Variants in RAB3B observed in about 807,000 individuals in gnomAD.
The protein encoded by RAB3B is RAB3B, member RAS oncogene family, also known as ras-related protein Rab-3B.
Under a neutral mutation model 20.5 loss-of-function variants are expected in RAB3B, and 11 were observed. The ratio of observed to expected loss-of-function variants is 0.54; its 90% CI spans 0.34 to 0.89. The LOEUF is 0.89. Among genes scored for constraint, RAB3B ranks in the 40% least tolerant of loss-of-function variants. RAB3B has a pLI of 0.02. For missense variants in RAB3B, 225 were observed against 280.9 expected (o/e 0.80, Z 1.42); for synonymous variants, 99 against 106.3 (o/e 0.93, Z 0.42).
intron 1 of RAB3B, among the ~76,000 whole-genome samples, chr1:51,987,714 C>T (rs146078532): frequency 2.3e-4 from 35 of 152,204 alleles, no homozygotes; most frequent in Non-Finnish European, 3.8e-4. Flanking sequence ...TAGAATAGTA[C>T]AGTAATTTCT....
Position 51,912,099 on chromosome 1 carries a change from C to CTTT in RAB3B, c.*7825_*7827dup, listed in dbSNP as rs977769271. 6.7e-6 allele frequency: 1 copy of CTTT among 148,560 alleles called. No homozygotes were observed. The highest frequency in any genetic ancestry group is 2.5e-5 in the African/African-American group (1 of 40,424). The allele number at this position is 148,560 out of a possible 1,614,324, so 9.2% of individuals were successfully genotyped here. A position where few individuals can be genotyped will look rare whatever the true frequency, so the allele number is the denominator to read the frequency against. ...TTCTCTTCATTTCTTTCCTTTTCTT[C>CTTT]TTTTTTTTCTTTCTTTCTTTCTTTT... On this transcript the variant is annotated 3_prime_UTR_variant, in exon 5 of 5. Transcript: ENST00000371655.
rs566367733 is a variant in RAB3B, at chr1:51,910,083, G to C, written c.*9844C>G. ...AGGCTCCGGGAGTCATCTTCCCGAA[G>C]TCACAAAACTAGTGATGAAGACCCA... On this transcript the variant is annotated 3_prime_UTR_variant, in exon 5 of 5. Transcript: ENST00000371655. 1.3e-5 allele frequency: 2 copies of C among 152,300 alleles called. No homozygotes were observed. Among genetic ancestry groups the C allele is most frequent in the Non-Finnish European group, 2.9e-5 (2 of 68,030 alleles). 9.4% of individuals were successfully genotyped at this position (152,300 alleles called of 1,614,324 possible).
In RAB3B at chr1:51,933,440, G is replaced by T; in HGVS notation, c.350C>A (p.Ala117Asp). 2 of 1,610,936 alleles carry T rather than the reference G, an allele frequency of 1.2e-6. No individual in the cohort carries two copies. Among genetic ancestry groups the T allele is most frequent in the Middle Eastern group, 1.7e-4 (1 of 6,050 alleles). Residue 117 changes from alanine to aspartate, a missense_variant and splice_region_variant, in exon 4 of 5, where the codon GCT (alanine) becomes GAT (aspartate). Coordinates refer to ENST00000371655, the MANE Select transcript of RAB3B (RefSeq NM_002867.4). ...CCAGGAGTAGGTCTTGATCTGAGTA[G>T]CCCTAAAATGAGATAGAAAGAGATA... ...EESFNAVQDW[A>D]TQIKTYSWDN...
chr1:51,922,393 G>A (rs1480803179), intron 4 of RAB3B, among the ~76,000 whole-genome samples: 1 of 152,156 alleles, frequency 6.6e-6, no homozygotes, highest in African/African-American at 2.4e-5. Flanking sequence ...TGTACAGAGG[G>A]CAGCTACTAG....
Position 51,912,554 on chromosome 1 carries a change from A to AATATATATAT in RAB3B, c.*7363_*7372dup, listed in dbSNP as rs1171897939. ...AGACCGTCTCTATTAAAAAAAAAAA[A>AATATATATAT]ATATATATATATATATATATATATA... On this transcript the variant is annotated 3_prime_UTR_variant, in exon 5 of 5. Transcript: ENST00000371655. 11 of 15,498 alleles carry AATATATATAT rather than the reference A, an allele frequency of 7.1e-4. No homozygotes were observed. The highest frequency in any genetic ancestry group is 1.7e-3 in the African/African-American group (10 of 5,734). 1.0% of individuals were successfully genotyped at this position (15,498 alleles called of 1,614,324 possible).
At chr1:51,972,247 A>T (rs1684947105) in intron 2 of RAB3B, among the ~76,000 whole-genome samples, 1 of 152,222 alleles carries the variant, frequency 6.6e-6, no homozygotes, top group Non-Finnish European at 1.5e-5. Context: ...GTATGTTCAG[A>T]TCTAGAGGGC....
chr1:51,942,478 T>G (rs908041406), intron 2 of RAB3B, among the ~76,000 whole-genome samples: 1 of 152,226 alleles, frequency 6.6e-6, no homozygotes, highest in East Asian at 1.9e-4. Flanking sequence ...AAAGGCCATA[T>G]AGTCTTGAGG....
chr1:51,971,408 A>G (rs1243004444), intron 2 of RAB3B, among the ~76,000 whole-genome samples: 1 of 151,428 alleles, frequency 6.6e-6, no homozygotes, highest in Non-Finnish European at 1.5e-5. Flanking sequence ...CCTATACAGT[A>G]TACACTATGC....
At chr1:51,974,700 A>G (rs1447449782) in intron 2 of RAB3B, among the ~76,000 whole-genome samples, 3 of 152,236 alleles carry the variant, frequency 2.0e-5, no homozygotes, top group Non-Finnish European at 4.4e-5. Context: ...CCCACTTTAT[A>G]GCAGTGTTGT....
Position 51,979,743 on chromosome 1 carries a change from G to A in RAB3B, c.1-2626C>T, listed in dbSNP as rs558661890. ...ATATTATGCAAAAGTGTAAAAAAGA[G>A]AATTTAAAATTAACTGACGGCTGGG... is the stretch of plus-strand genomic sequence containing the variant. On this transcript the variant is annotated intron_variant, in intron 1 of 4. Coordinates refer to ENST00000371655, the MANE Select transcript of RAB3B (RefSeq NM_002867.4). Among the ~76,000 whole-genome samples, 127 of 152,012 alleles carry A rather than the reference G, an allele frequency of 8.4e-4. 1 individual carries two copies. The highest frequency in any genetic ancestry group is 3.8e-4 in the Non-Finnish European group (26 of 67,992).
chr1:51,916,159 T>C lies in RAB3B; in HGVS notation c.*3768A>G, dbSNP rs1464923090. On this transcript the variant is annotated 3_prime_UTR_variant, in exon 5 of 5. Transcript: ENST00000371655. ...ATCAGCTGGAAGCTGCTGCCTTTCA[T>C]TTGACAGAAATGAGGTCACAGAGCA... 1 of 152,246 alleles carries C rather than the reference T, an allele frequency of 6.6e-6. No homozygotes were observed. The highest frequency in any genetic ancestry group is 1.5e-5 in the Non-Finnish European group (1 of 68,052). 9.4% of individuals were successfully genotyped at this position (152,246 alleles called of 1,614,324 possible).
At chr1:51,971,359 A>G (rs1684931446) in intron 2 of RAB3B, among the ~76,000 whole-genome samples, 1 of 151,296 alleles carries the variant, frequency 6.6e-6, no homozygotes, top group Admixed American at 6.6e-5. Context: ...AAGTTCCAAG[A>G]CCCTCAGTGG....
rs1491223921 is a variant in RAB3B, at chr1:51,912,554, A to AAAAATAT, written c.*7372_*7373insATATTTT. On this transcript the variant is annotated 3_prime_UTR_variant, in exon 5 of 5. Transcript: ENST00000371655. ...AGACCGTCTCTATTAAAAAAAAAAAAATATATATATATATATATATATATA... is the reference window on the plus strand; with the variant it reads ...AGACCGTCTCTATTAAAAAAAAAAAAAAAATATATATATATATATATATATATATATA... The AAAAATAT allele has an allele frequency of 1.0e-3, 16 of 15,490 alleles. No individual in the cohort carries two copies. Among genetic ancestry groups the AAAAATAT allele is most frequent in the Admixed American group, 2.5e-3 (3 of 1,200 alleles). The allele number at this position is 15,490 out of a possible 1,614,324, so 1.0% of individuals were successfully genotyped here.
At chr1:51,982,207 C>T (rs986181024) in intron 1 of RAB3B, among the ~76,000 whole-genome samples, 4 of 152,076 alleles carry the variant, frequency 2.6e-5, no homozygotes, top group African/African-American at 9.7e-5. Flanking sequence ...TTGTGTCTTC[C>T]TTTTTAACAA....
chr1:51,953,629 C>T (rs61780727), intron 2 of RAB3B, among the ~76,000 whole-genome samples: 7,213 of 152,192 alleles, frequency 0.047, 261 homozygotes, highest in Middle Eastern at 0.12. Context: ...CATACTAACA[C>T]GTCTCTACTA....
chr1:51,918,855 T>G lies in RAB3B; in HGVS notation c.*1072A>C, dbSNP rs912806553. On this transcript the variant is annotated 3_prime_UTR_variant, in exon 5 of 5. Transcript: ENST00000371655. ...AAGCAGCAAAATCAGAAACTCATGA[T>G]CTGTTTCTTGATCTTGCCTGTTTCT... 6.6e-6 allele frequency: 1 copy of G among 152,228 alleles called. No individual in the cohort carries two copies. Among genetic ancestry groups the G allele is most frequent in the African/African-American group, 2.4e-5 (1 of 41,452 alleles). 9.4% of individuals were successfully genotyped at this position (152,228 alleles called of 1,614,324 possible).
intron 1 of RAB3B, among the ~76,000 whole-genome samples, chr1:51,989,209 TG>T (rs1213455103): frequency 1.2e-3 from 5 of 4,132 alleles, no homozygotes; most frequent in South Asian, 0.013. Flanking sequence ...CATCTTGTTT[TG>T]TGTGTGTGTG....
At chr1:51,987,343 A>T (rs2809927) in intron 1 of RAB3B, among the ~76,000 whole-genome samples, 36 of 152,324 alleles carry the variant, frequency 2.4e-4, no homozygotes, top group African/African-American at 8.7e-4. Context: ...TCTTTCAGTG[A>T]TCCTGTAAAC....
rs1408777366 is a variant in RAB3B at position 51,909,480 on chromosome 1, T to A, written c.*10447A>T. The A allele has an allele frequency of 6.6e-6, 1 of 152,164 alleles. No homozygotes were observed. The highest frequency in any genetic ancestry group is 1.9e-4 in the East Asian group (1 of 5,194). The allele number at this position is 152,164 out of a possible 1,614,324, so 9.4% of individuals were successfully genotyped here. A position where few individuals can be genotyped will look rare whatever the true frequency, so the allele number is the denominator to read the frequency against. On this transcript the variant is annotated 3_prime_UTR_variant, in exon 5 of 5. Coordinates refer to ENST00000371655, the MANE Select transcript of RAB3B (RefSeq NM_002867.4). ...AAGTCAGGACTCAAACCCAGGTCTC[T>A]GGAATCCTGGTTTTCTGAATGTCGG...
Sources: gnomAD v4.1 joint callset for allele counts (sites outside exome capture counted in the v4.1 genomes callset) on GRCh38, gnomAD v4.1.1 for gene constraint, MANE v1.5 for transcripts, NCBI Gene and HGNC (gene_info 2026-07-23, HGNC 2026-07-21) for gene names.